Variants in NEO1 observed in about 807,000 individuals in gnomAD.
NEO1 encodes the protein neogenin.
Under a neutral mutation model 159.7 loss-of-function variants are expected in NEO1, and 63 were observed. The ratio of observed to expected loss-of-function variants is 0.39; its 90% CI spans 0.32 to 0.49. The LOEUF (loss-of-function observed/expected upper bound fraction) is 0.49, where lower values mean the gene tolerates loss of function less well. NEO1 is among the 20% of genes least tolerant of loss of function. NEO1 has a pLI of 0.85. For synonymous variants in NEO1, 633 were observed against 662.0 expected (o/e 0.96, Z 0.67); for missense variants, 1,615 against 1,831.0 (o/e 0.88, Z 2.15).
chr15:73,272,009 G>C (rs1229091695), intron 18 of NEO1, among the ~76,000 whole-genome samples: 3 of 151,890 alleles, frequency 2.0e-5, no homozygotes, highest in Non-Finnish European at 2.9e-5. Context: ...AAATAATCCA[G>C]TGTGACAGGG....
Position 73,122,774 on chromosome 15 carries a change from A to G in NEO1, c.698A>G (p.Asp233Gly). Residue 233 changes from aspartate to glycine, a missense_variant, in exon 3 of 29, where the codon GAT (aspartate) becomes GGT (glycine). Coordinates refer to ENST00000261908, the MANE Select transcript of NEO1 (RefSeq NM_002499.4). ...VESGGPPKYS[D>G]EVELKVLPDP... The stretch of plus-strand genomic sequence containing the variant: ...AGTGGTGGGCCACCAAAGTATAGTG[A>G]TGAAGTTGAATTGAAGGTTCTTCCA... 6.2e-7 allele frequency: 1 copy of G among 1,614,194 alleles called. No individual in the cohort carries two copies. The highest frequency in any genetic ancestry group is 1.1e-5 in the South Asian group (1 of 91,084).
At chr15:73,235,494 A>G (rs769461295) in intron 7 of NEO1, among the ~76,000 whole-genome samples, 10 of 152,218 alleles carry the variant, frequency 6.6e-5, no homozygotes, top group East Asian at 1.9e-4. Flanking sequence ...GCTTTTGACT[A>G]GCAGCTTTGC....
chr15:73,258,195 G>A (rs2040457084), intron 13 of NEO1, among the ~76,000 whole-genome samples: 1 of 152,170 alleles, frequency 6.6e-6, no homozygotes, highest in South Asian at 2.1e-4. Flanking sequence ...AAAGGTTTGG[G>A]TCATTTTCCA....
rs138356146 is a variant in NEO1 at position 73,172,169 on chromosome 15, A to G, written c.1016-4234A>G. 3.3e-4 allele frequency among the ~76,000 whole-genome samples: 50 copies of G among 152,314 alleles called. 1 individual carries two copies. The East Asian group carries it at 9.3e-3, about 28-fold the overall frequency. ...ATTGTTGAATCAACGTAATAGGTAC[A>G]TAGGATTTATTCTATTCTCTTAAAT... On this transcript the variant is annotated intron_variant, in intron 5 of 28. Transcript: ENST00000261908.
At chr15:73,249,358 A>C (rs896351032) in intron 10 of NEO1, 150 bp downstream of exon 10, 8 of 1,051,944 alleles carry the variant, frequency 7.6e-6, no homozygotes, top group Admixed American at 5.6e-5. Flanking sequence ...CTTTGTACCA[A>C]GATTTATTGT....
At chr15:73,056,350 C>T (rs2067695734) in intron 1 of NEO1, among the ~76,000 whole-genome samples, 1 of 152,216 alleles carries the variant, frequency 6.6e-6, no homozygotes, top group African/African-American at 2.4e-5. Flanking sequence ...GCTTTCTCTT[C>T]CAAAGAGAGT....
At chr15:73,172,880 T>C (rs1260572239) in intron 5 of NEO1, among the ~76,000 whole-genome samples, 1 of 152,192 alleles carries the variant, frequency 6.6e-6, no homozygotes, top group Non-Finnish European at 1.5e-5. Flanking sequence ...TTTCTTATGT[T>C]GGCTAAAACT....
chr15:73,069,740 G>A lies in NEO1; in HGVS notation c.130+16935G>A, dbSNP rs1022356627. On this transcript the variant is annotated intron_variant, in intron 1 of 28. Coordinates refer to ENST00000261908, the MANE Select transcript of NEO1 (RefSeq NM_002499.4). ...TACCCATGTTACACATATTTAGAAA[G>A]TAGGATAGTATGGATTTTATGGCAT... Among the ~76,000 whole-genome samples, 6 of 152,074 alleles carry A rather than the reference G, an allele frequency of 3.9e-5. No individual in the cohort carries two copies. The East Asian group carries it at 1.2e-3, about 29-fold the overall frequency.
chr15:73,139,596 G>A (rs949518468), intron 5 of NEO1, among the ~76,000 whole-genome samples: 9 of 152,164 alleles, frequency 5.9e-5, no homozygotes, highest in African/African-American at 1.4e-4. Context: ...ATCTAGACCC[G>A]GGGTTGGCAG....
At chr15:73,116,929 C>T in intron 2 of NEO1, 72 bp downstream of exon 2, 2 of 1,237,938 alleles carry the variant, frequency 1.6e-6, no homozygotes, top group South Asian at 1.6e-5. Context: ...AAGCACTGTT[C>T]TCTTGGAGTT....
At chr15:73,143,084 C>T (rs1297894245) in intron 5 of NEO1, among the ~76,000 whole-genome samples, 2 of 152,170 alleles carry the variant, frequency 1.3e-5, no homozygotes, top group Non-Finnish European at 1.5e-5. Context: ...AGTGACAGAA[C>T]GCATTCAGTC....
chr15:73,086,684 CTTT>C (rs56321563), intron 1 of NEO1, among the ~76,000 whole-genome samples: 1 of 122,030 alleles, frequency 8.2e-6, no homozygotes, highest in Admixed American at 9.1e-5. Context: ...TTCTAGATTT[CTTT>C]TTTTTTTTTT....
At chr15:73,279,876 G>T (rs913275702) in intron 22 of NEO1, among the ~76,000 whole-genome samples, 105 of 152,262 alleles carry the variant, frequency 6.9e-4, no homozygotes, top group African/African-American at 2.3e-3. Flanking sequence ...AAAACAGCCT[G>T]CTCTCTCCAG....
At chr15:73,157,202 C>G (rs968454357) in intron 5 of NEO1, among the ~76,000 whole-genome samples, 19 of 152,308 alleles carry the variant, frequency 1.2e-4, no homozygotes, top group Admixed American at 7.8e-4. Context: ...AGGGGGATAC[C>G]CCAGTTTCAG....
chr15:73,227,218 G>A (rs145394815), intron 7 of NEO1, among the ~76,000 whole-genome samples: 8 of 152,276 alleles, frequency 5.3e-5, no homozygotes, highest in South Asian at 2.1e-4. Context: ...GGGTCAGGCC[G>A]GGCGCAGTGG....
chr15:73,108,385 A>G (rs992061084), intron 1 of NEO1, among the ~76,000 whole-genome samples: 14 of 152,286 alleles, frequency 9.2e-5, no homozygotes, highest in Non-Finnish European at 1.6e-4. Flanking sequence ...TTTACAAAGG[A>G]CAGACTTCAA....
intron 1 of NEO1, among the ~76,000 whole-genome samples, chr15:73,081,311 A>C (rs920606649): frequency 6.6e-6 from 1 of 151,990 alleles, no homozygotes; most frequent in Non-Finnish European, 1.5e-5. Context: ...TTAAAACTGC[A>C]TTTTAATATT....
At chr15:73,211,136 T>TA (rs1398182524) in intron 7 of NEO1, among the ~76,000 whole-genome samples, 1 of 152,248 alleles carries the variant, frequency 6.6e-6, no homozygotes, top group Admixed American at 6.5e-5. Context: ...ACTTGGACCT[T>TA]ACTTCTGGCC....
At chr15:73,076,147 C>T (rs940256674) in intron 1 of NEO1, among the ~76,000 whole-genome samples, 3 of 152,058 alleles carry the variant, frequency 2.0e-5, no homozygotes, top group Non-Finnish European at 4.4e-5. Flanking sequence ...AGGTGCGGCT[C>T]AGATCTCCCT....
Sources: allele counts gnomAD v4.1 joint callset (sites outside exome capture counted in the v4.1 genomes callset), GRCh38; gene constraint gnomAD v4.1.1; transcripts MANE v1.5; gene names NCBI Gene and HGNC (gene_info 2026-07-23, HGNC 2026-07-21).